The following LRP1B variants were observed in gnomAD, a reference collection of about 807,000 sequenced individuals.
The protein encoded by LRP1B is LDL receptor related protein 1B.
A neutral mutation model predicts 556.6 loss-of-function variants in LRP1B; 217 were observed. The observed-to-expected ratio is 0.39, with a 90% CI of 0.35 to 0.44. The LOEUF is 0.44. LRP1B is among the 20% of genes least tolerant of loss of function. The probability of loss-of-function intolerance (pLI) is 1.00; values close to 1 mark genes in which losing one functional copy is unlikely to be tolerated. For missense variants in LRP1B, 5,053 were observed against 5,620.8 expected (o/e 0.90, Z 3.23); for synonymous variants, 2,047 against 1,865.8 (o/e 1.10, Z -2.50).
intron 6 of LRP1B, among the ~76,000 whole-genome samples, chr2:141,195,306 C>CT (rs1681706242): frequency 6.6e-6 from 1 of 152,086 alleles, no homozygotes; most frequent in African/African-American, 2.4e-5. Flanking sequence ...GGAAGCCAGT[C>CT]TTTTAGCTCC....
intron 77 of LRP1B, among the ~76,000 whole-genome samples, chr2:140,341,708 C>T (rs2105097280): frequency 6.6e-6 from 1 of 151,368 alleles, no homozygotes; most frequent in East Asian, 2.0e-4. Flanking sequence ...TATATATGTG[C>T]TTGTTTATAG....
chr2:141,579,724 C>CTTTTTTTTTTTTTTTTTTTTTTTT lies in LRP1B; in HGVS notation c.206-99192_206-99191insAAAAAAAAAAAAAAAAAAAAAAAA, dbSNP rs33913417. Among the ~76,000 whole-genome samples, 88 of 100,958 alleles carry CTTTTTTTTTTTTTTTTTTTTTTTT rather than the reference C, an allele frequency of 8.7e-4. 13 individuals carry two copies. The highest frequency in any genetic ancestry group is 3.0e-3 in the African/African-American group (67 of 22,472). 66.2% of individuals were successfully genotyped at this position (100,958 alleles called of 152,430 possible). A position where few individuals can be genotyped will look rare whatever the true frequency, so the allele number is the denominator to read the frequency against. On this transcript the variant is annotated intron_variant, in intron 2 of 90. Coordinates refer to ENST00000389484, the MANE Select transcript of LRP1B (RefSeq NM_018557.3). ...CATAAGGAAAACATATCAGGTTTCA[C>CTTTTTTTTTTTTTTTTTTTTTTTT]TTTTTTTTTTTTTTTTTTGAGACGG...
At chr2:140,270,388 G>A in intron 85 of LRP1B, 42 bp from the exon 86 acceptor site, 1 of 1,230,004 alleles carries the variant, frequency 8.1e-7, no homozygotes, top group Non-Finnish European at 1.2e-6. Flanking sequence ...ATTGTTATTG[G>A]CAACATTATT....
At chr2:141,816,608 C>T (rs149561960) in intron 1 of LRP1B, among the ~76,000 whole-genome samples, 264 of 152,192 alleles carry the variant, frequency 1.7e-3, no homozygotes, top group Middle Eastern at 3.4e-3. Context: ...AGCTTCCAAA[C>T]GGCCTATTGT....
At chr2:141,364,331 C>A (rs1384079450) in intron 3 of LRP1B, among the ~76,000 whole-genome samples, 1 of 150,640 alleles carries the variant, frequency 6.6e-6, no homozygotes, top group Non-Finnish European at 1.5e-5. Context: ...AAATCACATA[C>A]ACAGTGGAAT....
At chr2:140,707,938 T>C (rs1170045527) in intron 37 of LRP1B, among the ~76,000 whole-genome samples, 1 of 152,058 alleles carries the variant, frequency 6.6e-6, no homozygotes, top group Non-Finnish European at 1.5e-5. Flanking sequence ...AAATTTTTTG[T>C]TGTTATTGTT....
chr2:141,319,895 T>C lies in LRP1B; in HGVS notation c.344-65254A>G, dbSNP rs115183823. Among the ~76,000 whole-genome samples, 908 of 152,214 alleles carry C rather than the reference T, an allele frequency of 6.0e-3. 11 individuals carry two copies. Among genetic ancestry groups the C allele is most frequent in the African/African-American group, 0.018 (754 of 41,554 alleles). On this transcript the variant is annotated intron_variant, in intron 3 of 90. Transcript: ENST00000389484. ...AACCTAAATCCTAAGCAACCAGATT[T>C]TTAACCTTAATATGAAATAATATCT...
intron 1 of LRP1B, among the ~76,000 whole-genome samples, chr2:141,980,246 G>A (rs114803968): frequency 6.6e-6 from 1 of 152,110 alleles, no homozygotes; most frequent in Admixed American, 6.6e-5. Flanking sequence ...TAGGCAACTA[G>A]AACAAAGGTG....
intron 2 of LRP1B, among the ~76,000 whole-genome samples, chr2:141,652,478 G>A (rs1035805843): frequency 6.6e-6 from 1 of 152,168 alleles, no homozygotes; most frequent in Non-Finnish European, 1.5e-5. Flanking sequence ...AATGTTTTCT[G>A]TATGTCTTTT....
chr2:140,586,026 A>C (rs563232316), intron 43 of LRP1B, among the ~76,000 whole-genome samples: 1 of 152,314 alleles, frequency 6.6e-6, no homozygotes, highest in African/African-American at 2.4e-5. Context: ...CTTTAAAAAA[A>C]CTCAAATAGA....
intron 41 of LRP1B, among the ~76,000 whole-genome samples, chr2:140,675,179 C>T (rs985605666): frequency 1.5e-4 from 23 of 152,158 alleles, no homozygotes; most frequent in African/African-American, 5.6e-4. Context: ...GGACAATTTC[C>T]CTTATTTAAA....
At chr2:142,053,610 C>A (rs1372138955) in intron 1 of LRP1B, among the ~76,000 whole-genome samples, 1 of 152,060 alleles carries the variant, frequency 6.6e-6, no homozygotes, top group Non-Finnish European at 1.5e-5. Flanking sequence ...TGTAGGACTG[C>A]AGATCCTCAT....
intron 2 of LRP1B, among the ~76,000 whole-genome samples, chr2:141,656,104 C>T (rs986672594): frequency 2.6e-5 from 4 of 152,040 alleles, no homozygotes; most frequent in Admixed American, 6.6e-5. Context: ...TTGCTAAAGT[C>T]GCATTGCTAG....
Position 141,254,624 on chromosome 2 carries a change from G to T in LRP1B, c.361C>A (p.Gln121Lys). 1 of 1,608,762 alleles carries T rather than the reference G, an allele frequency of 6.2e-7. No individual in the cohort carries two copies. The highest frequency in any genetic ancestry group is 1.1e-5 in the South Asian group (1 of 90,892). The change falls in exon 4 of 91, where the codon CAA becomes AAA. Residue 121 changes from glutamine to lysine, a missense_variant. This residue lies in a region of LRP1B where 3,619 missense variants were observed against 3,931.9 expected (regional missense o/e 0.92). Coordinates refer to ENST00000389484, the MANE Select transcript of LRP1B (RefSeq NM_018557.3). ...VHCQELLSNC[Q>K]QLNCQYKCTM... The stretch of plus-strand genomic sequence containing the variant: ...CATTTATACTGACAATTCAGCTGTT[G>T]GCAATTGGATAACAGTTCTGTAGAG...
At chr2:141,190,600 A>C (rs886452572) in intron 6 of LRP1B, among the ~76,000 whole-genome samples, 1 of 151,974 alleles carries the variant, frequency 6.6e-6, no homozygotes, top group African/African-American at 2.4e-5. Context: ...AAATACCTAT[A>C]AATACCCAAT....
intron 5 of LRP1B, among the ~76,000 whole-genome samples, chr2:141,239,402 A>T (rs1336358910): frequency 6.6e-6 from 1 of 152,134 alleles, no homozygotes; most frequent in South Asian, 2.1e-4. Context: ...CTATGCAGGA[A>T]AAAGAAAAAT....
chr2:141,427,235 A>G (rs1272333510), intron 3 of LRP1B, among the ~76,000 whole-genome samples: 1 of 152,246 alleles, frequency 6.6e-6, no homozygotes, highest in African/African-American at 2.4e-5. Context: ...TGAATATCAT[A>G]TATTTATGTG....
intron 2 of LRP1B, among the ~76,000 whole-genome samples, chr2:141,531,283 A>G (rs924737716): frequency 7.6e-5 from 11 of 145,580 alleles, no homozygotes; most frequent in Admixed American, 2.8e-4. Flanking sequence ...TCACGTTAAT[A>G]TTTCCTCATA....
intron 2 of LRP1B, among the ~76,000 whole-genome samples, chr2:141,670,739 A>C (rs1690635429): frequency 6.6e-6 from 1 of 152,220 alleles, no homozygotes; most frequent in Admixed American, 6.5e-5. Context: ...ATAAATCCTT[A>C]ACTTTGGAAC....
Sources: gnomAD v4.1 joint callset for allele counts (sites outside exome capture counted in the v4.1 genomes callset) on GRCh38, gnomAD v4.1.1 for gene constraint, gnomAD v4.1.1 regional missense constraint, MANE v1.5 for transcripts, NCBI Gene and HGNC (gene_info 2026-07-23, HGNC 2026-07-21) for gene names.